ZNF385D: variants seen among roughly 807,000 people sequenced by gnomAD.
ZNF385D encodes the protein zinc finger protein 659.
ZNF385D carries 15 observed loss-of-function variants against 35.8 expected under a neutral mutation model. The ratio of observed to expected loss-of-function variants is 0.42; its 90% CI spans 0.28 to 0.64. The LOEUF (loss-of-function observed/expected upper bound fraction) is 0.64, where lower values mean the gene tolerates loss of function less well. ZNF385D is among the 30% of genes least tolerant of loss of function. ZNF385D has a pLI of 0.23. For missense variants in ZNF385D, 474 were observed against 494.6 expected (o/e 0.96, Z 0.39); for synonymous variants, 212 against 186.8 (o/e 1.13, Z -1.10).
chr3:22,085,214 A>G (rs946066801), intron 3 of ZNF385D, among the ~76,000 whole-genome samples: 1 of 152,206 alleles, frequency 6.6e-6, no homozygotes, highest in African/African-American at 2.4e-5. Context: ...AGAAGACAAT[A>G]AATAGAATTA....
intron 3 of ZNF385D, among the ~76,000 whole-genome samples, chr3:21,846,947 G>A (rs1473952288): frequency 6.6e-6 from 1 of 151,936 alleles, no homozygotes; most frequent in African/African-American, 2.4e-5. Flanking sequence ...ATCCTATGAA[G>A]CTATGGCATA....
At chr3:22,094,322 T>C (rs1341209267) in intron 3 of ZNF385D, among the ~76,000 whole-genome samples, 2 of 149,476 alleles carry the variant, frequency 1.3e-5, no homozygotes, top group African/African-American at 4.9e-5. Context: ...TCTTAAGTTG[T>C]ACCCTTTTTT....
intron 3 of ZNF385D, among the ~76,000 whole-genome samples, chr3:22,035,011 C>A (rs994387136): frequency 1.3e-5 from 2 of 151,836 alleles, no homozygotes; most frequent in Non-Finnish European, 2.9e-5. Context: ...TTGTTTTGTA[C>A]ATAAAATTTG....
chr3:21,833,653 A>G (rs558119290), intron 3 of ZNF385D, among the ~76,000 whole-genome samples: 2 of 152,312 alleles, frequency 1.3e-5, no homozygotes, highest in African/African-American at 4.8e-5. Context: ...GGAATAACTC[A>G]TATGACAGCT....
At chr3:22,152,497 T>C (rs953131928) in intron 3 of ZNF385D, among the ~76,000 whole-genome samples, 4 of 152,170 alleles carry the variant, frequency 2.6e-5, no homozygotes, top group African/African-American at 4.8e-5. Flanking sequence ...TCTGTGTTCC[T>C]TCTGAGGGCT....
intron 3 of ZNF385D, among the ~76,000 whole-genome samples, chr3:21,776,623 TTAATG>T (rs2071300258): frequency 6.6e-6 from 1 of 151,928 alleles, no homozygotes; most frequent in Non-Finnish European, 1.5e-5. Flanking sequence ...CCTAAGGTAC[TTAATG>T]TAATTTAGAG....
chr3:21,675,901 A>C (rs1358276326), intron 1 of ZNF385D, among the ~76,000 whole-genome samples: 1 of 152,088 alleles, frequency 6.6e-6, no homozygotes, highest in Non-Finnish European at 1.5e-5. Flanking sequence ...AACAAAATAG[A>C]AACTAAGTTT....
intron 3 of ZNF385D, among the ~76,000 whole-genome samples, chr3:22,031,359 C>G (rs1400302361): frequency 1.3e-5 from 2 of 152,080 alleles, no homozygotes; most frequent in Non-Finnish European, 2.9e-5. Flanking sequence ...TCTGGACATC[C>G]AGGTATTTGT....
intron 2 of ZNF385D, among the ~76,000 whole-genome samples, chr3:22,195,191 CGTG>C (rs2125232452): frequency 6.6e-6 from 1 of 151,822 alleles, no homozygotes; most frequent in East Asian, 1.9e-4. Flanking sequence ...GGAATCACAC[CGTG>C]GTTTTAATTT....
intron 2 of ZNF385D, among the ~76,000 whole-genome samples, chr3:22,370,508 T>G (rs2125234797): frequency 6.6e-6 from 1 of 152,352 alleles, no homozygotes; most frequent in Non-Finnish European, 1.5e-5. Context: ...CTGAAATGGT[T>G]GGGTATGAAT....
At chr3:21,848,926 T>C (rs1381098967) in intron 3 of ZNF385D, among the ~76,000 whole-genome samples, 8 of 152,132 alleles carry the variant, frequency 5.3e-5, no homozygotes, top group South Asian at 4.1e-4. Flanking sequence ...TCTTAGAACA[T>C]AGCCATCATT....
chr3:21,961,861 T>C (rs1702615384), intron 3 of ZNF385D, among the ~76,000 whole-genome samples: 1 of 151,982 alleles, frequency 6.6e-6, no homozygotes, highest in Non-Finnish European at 1.5e-5. Context: ...GAAGTTGAGA[T>C]AAAAATGACC....
chr3:22,121,394 T>C (rs144570383), intron 3 of ZNF385D, among the ~76,000 whole-genome samples: 9 of 152,344 alleles, frequency 5.9e-5, no homozygotes, highest in Middle Eastern at 6.8e-3. Flanking sequence ...GCATGCATAA[T>C]CAGCAACAAC....
At chr3:21,919,482 A>G (rs534036290) in intron 3 of ZNF385D, among the ~76,000 whole-genome samples, 10 of 152,338 alleles carry the variant, frequency 6.6e-5, no homozygotes, top group African/African-American at 1.9e-4. Context: ...TATGTAAATC[A>G]TATCTCAATT....
intron 1 of ZNF385D, among the ~76,000 whole-genome samples, chr3:21,671,395 C>A (rs1056585359): frequency 6.6e-6 from 1 of 152,094 alleles, no homozygotes; most frequent in African/African-American, 2.4e-5. Context: ...ATGGAATTGG[C>A]CAGCCAGGGT....
intron 3 of ZNF385D, among the ~76,000 whole-genome samples, chr3:22,143,655 C>T (rs1704666758): frequency 6.6e-6 from 1 of 152,080 alleles, no homozygotes; most frequent in Non-Finnish European, 1.5e-5. Context: ...ATTAAACTTT[C>T]ACACTGTTAC....
intron 2 of ZNF385D, among the ~76,000 whole-genome samples, chr3:21,653,521 A>C (rs1010961203): frequency 6.6e-6 from 1 of 152,132 alleles, no homozygotes; most frequent in African/African-American, 2.4e-5. Flanking sequence ...ACATAGGTAT[A>C]TATACACAAT....
intron 2 of ZNF385D, among the ~76,000 whole-genome samples, chr3:22,317,009 G>A (rs1476975414): frequency 6.6e-6 from 1 of 151,818 alleles, no homozygotes; most frequent in Non-Finnish European, 1.5e-5. Flanking sequence ...GGGGAGCAGT[G>A]ACTCACCCCT....
chr3:21,506,390 GT>G, intron 4 of ZNF385D, among the ~76,000 whole-genome samples: 2 of 152,238 alleles, frequency 1.3e-5, no homozygotes, highest in South Asian at 4.1e-4. Context: ...GATTTTAGAG[GT>G]TGTTTATTAC....
Sources: allele counts gnomAD v4.1 joint callset (sites outside exome capture counted in the v4.1 genomes callset), GRCh38; gene constraint gnomAD v4.1.1; transcripts MANE v1.5; gene names NCBI Gene and HGNC (gene_info 2026-07-23, HGNC 2026-07-21).